The following SAMD4A variants were observed in gnomAD, a reference collection of about 807,000 sequenced individuals.
SAMD4A encodes the protein protein Smaug homolog 1.
Under a neutral mutation model 81.3 loss-of-function variants are expected in SAMD4A, and 33 were observed. The observed-to-expected ratio is 0.41, with a 90% CI of 0.31 to 0.54. The LOEUF (loss-of-function observed/expected upper bound fraction) is 0.54, where lower values mean the gene tolerates loss of function less well. Ranked by LOEUF, SAMD4A falls within the 20% of genes least tolerant of loss-of-function variation. The pLI, the probability that SAMD4A is intolerant of heterozygous loss-of-function variation, is 0.37. For missense variants in SAMD4A, 854 were observed against 951.1 expected (o/e 0.90, Z 1.34); for synonymous variants, 389 against 382.1 (o/e 1.02, Z -0.21).
intron 3 of SAMD4A, among the ~76,000 whole-genome samples, chr14:54,717,472 C>T (rs539356941): frequency 8.6e-5 from 13 of 151,026 alleles, no homozygotes; most frequent in African/African-American, 2.9e-4. Flanking sequence ...AAATTTTTTT[C>T]ATGCCTATGA....
chr14:54,719,370 T>G (rs1366053338), intron 3 of SAMD4A, among the ~76,000 whole-genome samples: 3 of 152,162 alleles, frequency 2.0e-5, no homozygotes, highest in African/African-American at 7.2e-5. Flanking sequence ...CTGGAGAAGT[T>G]TGCTTTTCTT....
intron 2 of SAMD4A, among the ~76,000 whole-genome samples, chr14:54,626,051 TGTGTGTGTGCGC>T (rs1388273203): frequency 2.1e-3 from 274 of 129,612 alleles, no homozygotes; most frequent in African/African-American, 7.4e-3. Context: ...TGTGTGTGTG[TGTGTGTGTGCGC>T]GCGCGCGCGC....
At chr14:54,754,852 A>G (rs762462400) in intron 6 of SAMD4A, 6 of 988,032 alleles carry the variant, frequency 6.1e-6, no homozygotes, top group Non-Finnish European at 7.2e-6. Flanking sequence ...ACCCTTATCA[A>G]GCAGCTGCCT....
At position 54,785,829 on chromosome 14, in the gene SAMD4A, G is replaced by A. The variant is rs188494009; in HGVS notation, c.2128+1209G>A. Among the ~76,000 whole-genome samples, 226 of 152,326 alleles carry A rather than the reference G, an allele frequency of 1.5e-3. 1 individual carries two copies. Among genetic ancestry groups the A allele is most frequent in the African/African-American group, 5.1e-3 (214 of 41,578 alleles). On this transcript the variant is annotated intron_variant, in intron 12 of 12. Coordinates refer to ENST00000554335, the MANE Select transcript of SAMD4A (RefSeq NM_015589.6). ...CACACCCACCTGACCTTAGCATCAGGGGGAGCTGAAAGCCTTCCAAGGGCA... is the reference window on the plus strand; with the variant it reads ...CACACCCACCTGACCTTAGCATCAGAGGGAGCTGAAAGCCTTCCAAGGGCA...
intron 6 of SAMD4A, among the ~76,000 whole-genome samples, chr14:54,758,601 G>C (rs1444662484): frequency 6.6e-6 from 1 of 152,164 alleles, no homozygotes; most frequent in Admixed American, 6.5e-5. Flanking sequence ...AGGCTGAGGC[G>C]GACGGACCAC....
chr14:54,583,637 T>G (rs1416318916), intron 2 of SAMD4A, among the ~76,000 whole-genome samples: 1 of 152,188 alleles, frequency 6.6e-6, no homozygotes, highest in Non-Finnish European at 1.5e-5. Flanking sequence ...ATCAGCTCAG[T>G]TACATTTTTT....
chr14:54,568,281 A>C (rs1417427175), intron 2 of SAMD4A, among the ~76,000 whole-genome samples, 169 bp downstream of exon 2: 3 of 136,998 alleles, frequency 2.2e-5, no homozygotes, highest in Admixed American at 1.4e-4. Context: ...TCCCCCCACT[A>C]CCGCCCCCCA....
chr14:54,732,796 C>T (rs1435605633), intron 3 of SAMD4A, among the ~76,000 whole-genome samples: 1 of 152,164 alleles, frequency 6.6e-6, no homozygotes, highest in East Asian at 1.9e-4. Context: ...CCCAGACTTT[C>T]TTCCATCCAT....
intron 3 of SAMD4A, among the ~76,000 whole-genome samples, chr14:54,707,387 A>C (rs1479628105): frequency 6.6e-6 from 1 of 152,018 alleles, no homozygotes; most frequent in African/African-American, 2.4e-5. Flanking sequence ...TATAGATATG[A>C]GCCACCACAC....
At chr14:54,640,436 G>T (rs1023324785) in intron 2 of SAMD4A, among the ~76,000 whole-genome samples, 1 of 152,190 alleles carries the variant, frequency 6.6e-6, no homozygotes, top group African/African-American at 2.4e-5. Context: ...ACATTGTCAG[G>T]ATTTATAGAT....
chr14:54,596,277 C>T (rs2033908164), intron 2 of SAMD4A, among the ~76,000 whole-genome samples: 1 of 152,068 alleles, frequency 6.6e-6, no homozygotes, highest in South Asian at 2.1e-4. Flanking sequence ...CATCACCACT[C>T]CTAGTCCTAA....
chr14:54,769,227 ACT>A (rs2038638821), intron 8 of SAMD4A, among the ~76,000 whole-genome samples: 1 of 151,888 alleles, frequency 6.6e-6, no homozygotes, highest in Non-Finnish European at 1.5e-5. Context: ...ACAAACACAA[ACT>A]CTCTAGACAT....
At chr14:54,704,774 A>T (rs1274500412) in intron 3 of SAMD4A, among the ~76,000 whole-genome samples, 1 of 152,170 alleles carries the variant, frequency 6.6e-6, no homozygotes, top group African/African-American at 2.4e-5. Flanking sequence ...AACACTCATG[A>T]CCATATCAAC....
At position 54,730,423 on chromosome 14, in the gene SAMD4A, C is replaced by T. The variant is rs2037533146; in HGVS notation, c.716-6601C>T. ...TCTTTTCACCGAAAGTGTGTGGCTT[C>T]CTCCTTGGGCTTGTCAGGAACATCC... On this transcript the variant is annotated intron_variant, in intron 3 of 12. Transcript: ENST00000554335. Among the ~76,000 whole-genome samples the T allele has an allele frequency of 2.6e-5, 4 of 152,296 alleles. No homozygotes were observed. The South Asian group carries it at 8.3e-4, about 32-fold the overall frequency.
chr14:54,744,398 G>A (rs940215810), intron 4 of SAMD4A, among the ~76,000 whole-genome samples: 3 of 152,164 alleles, frequency 2.0e-5, no homozygotes, highest in Admixed American at 1.3e-4. Context: ...TGTACACACC[G>A]CACAGCCTCC....
chr14:54,619,219 TC>T (rs2034558846), intron 2 of SAMD4A, among the ~76,000 whole-genome samples: 1 of 152,234 alleles, frequency 6.6e-6, no homozygotes, highest in South Asian at 2.1e-4. Context: ...AAAATCAGTT[TC>T]TTAATTCAGA....
At chr14:54,636,072 A>T (rs2035028445) in intron 2 of SAMD4A, among the ~76,000 whole-genome samples, 1 of 152,214 alleles carries the variant, frequency 6.6e-6, no homozygotes, top group Admixed American at 6.5e-5. Flanking sequence ...AGTCTTGTGG[A>T]AAAAATGAAA....
intron 3 of SAMD4A, among the ~76,000 whole-genome samples, chr14:54,726,266 A>C (rs1201560498): frequency 6.6e-6 from 1 of 152,156 alleles, no homozygotes; most frequent in Non-Finnish European, 1.5e-5. Flanking sequence ...AGAGGCAAGC[A>C]CTATTGCCCA....
rs55702356 is a variant in SAMD4A at position 54,591,527 on chromosome 14, G to GT, written c.196+23428dup. Among the ~76,000 whole-genome samples, 726 of 147,158 alleles carry GT rather than the reference G, an allele frequency of 4.9e-3. 4 individuals are homozygous for GT. Among genetic ancestry groups the GT allele is most frequent in the South Asian group, 0.015 (68 of 4,596 alleles). ...TTAAATGGAGGGAATCCTGTATTTT[G>GT]TTTTTTTTTTTTTGTTTTGTTTTTT... On this transcript the variant is annotated intron_variant, in intron 2 of 12. Transcript: ENST00000554335.
Sources: allele counts gnomAD v4.1 joint callset (sites outside exome capture counted in the v4.1 genomes callset), GRCh38; gene constraint gnomAD v4.1.1; transcripts MANE v1.5; gene names NCBI Gene and HGNC (gene_info 2026-07-23, HGNC 2026-07-21).